The following ABLIM1 variants were observed in gnomAD, a reference collection of about 807,000 sequenced individuals.
ABLIM1 encodes the protein actin-binding LIM protein 1.
A neutral mutation model predicts 107.0 loss-of-function variants in ABLIM1; 40 were observed. The ratio of observed to expected loss-of-function variants is 0.37; its 90% CI spans 0.29 to 0.49. The LOEUF is 0.49. Ranked by LOEUF, ABLIM1 falls within the 20% of genes least tolerant of loss-of-function variation. ABLIM1 has a pLI of 0.97. For synonymous variants in ABLIM1, 357 were observed against 357.3 expected, an observed-to-expected ratio of 1.00 and a Z score of 0.01; for missense variants, 857 against 1,008.5, an observed-to-expected ratio of 0.85 and a Z score of 2.04.
At chr10:114,740,659 A>G (rs1421883485) in intron 1 of ABLIM1, among the ~76,000 whole-genome samples, 1 of 152,192 alleles carries the variant, frequency 6.6e-6, no homozygotes, top group African/African-American at 2.4e-5. Flanking sequence ...TATTAGATAC[A>G]GTAATTTCAA....
chr10:114,732,353 T>C (rs1309274148), intron 1 of ABLIM1, among the ~76,000 whole-genome samples: 2 of 152,096 alleles, frequency 1.3e-5, no homozygotes, highest in African/African-American at 4.8e-5. Context: ...TGCTAGTTGG[T>C]CATTTCTATG....
chr10:114,672,157 T>A (rs1363178349), intron 1 of ABLIM1, among the ~76,000 whole-genome samples: 1 of 152,132 alleles, frequency 6.6e-6, no homozygotes, highest in Non-Finnish European at 1.5e-5. Context: ...ATTACAAGTA[T>A]GAGCCACAAC....
intron 1 of ABLIM1, among the ~76,000 whole-genome samples, chr10:114,603,283 T>C (rs914521722): frequency 6.6e-6 from 1 of 152,226 alleles, no homozygotes; most frequent in Non-Finnish European, 1.5e-5. Flanking sequence ...AGTGTTCTCA[T>C]TTTGCCTGGC....
intron 12 of ABLIM1, among the ~76,000 whole-genome samples, chr10:114,461,717 G>A (rs1023448680): frequency 3.3e-5 from 5 of 152,080 alleles, no homozygotes; most frequent in Admixed American, 6.5e-5. Flanking sequence ...TACTCAGGAG[G>A]CTGAGGCATA....
chr10:114,539,848 A>C (rs942482399), intron 6 of ABLIM1, among the ~76,000 whole-genome samples: 6 of 148,090 alleles, frequency 4.1e-5, no homozygotes, highest in African/African-American at 1.2e-4. Context: ...TCCTGTTACC[A>C]TTAGGCTGTT....
intron 2 of ABLIM1, among the ~76,000 whole-genome samples, chr10:114,589,727 A>T (rs1287861463): frequency 6.6e-6 from 1 of 151,992 alleles, no homozygotes; most frequent in Non-Finnish European, 1.5e-5. Flanking sequence ...TTCTTTTTTT[A>T]GAGTTTGTTT....
At chr10:114,694,852 T>C (rs1405065425) in intron 1 of ABLIM1, among the ~76,000 whole-genome samples, 2 of 152,210 alleles carry the variant, frequency 1.3e-5, no homozygotes, top group African/African-American at 4.8e-5. Flanking sequence ...ATTGGGATCA[T>C]AGCTAGCTCT....
intron 10 of ABLIM1, among the ~76,000 whole-genome samples, chr10:114,472,507 C>T (rs1050247959): frequency 6.6e-6 from 1 of 152,304 alleles, no homozygotes; most frequent in South Asian, 2.1e-4. Flanking sequence ...CACTCCTGTG[C>T]TAGACTGTTG....
At chr10:114,697,224 C>T (rs893705107) in intron 1 of ABLIM1, among the ~76,000 whole-genome samples, 2 of 152,300 alleles carry the variant, frequency 1.3e-5, no homozygotes, top group African/African-American at 2.4e-5. Context: ...TCCCACACTC[C>T]GCTCATCACA....
Position 114,634,129 on chromosome 10 carries a change from CTTTTTTT to C in ABLIM1, c.244+23821_244+23827del, listed in dbSNP as rs745875295. 3.8e-4 allele frequency among the ~76,000 whole-genome samples: 26 copies of C among 68,288 alleles called. No individual in the cohort carries two copies. In the South Asian group the frequency reaches 0.018, roughly 47 times the overall value. The allele number at this position is 68,288 out of a possible 152,430, so 44.8% of individuals were successfully genotyped here. Reference sequence around the variant, plus strand: ...CGTAAATGCCATTAGCTCAATTTTTCTTTTTTTTTTTTTTTTTTTTTGAGACGGAGTC... The same window carrying C: ...CGTAAATGCCATTAGCTCAATTTTTCTTTTTTTTTTTTTTGAGACGGAGTC... On this transcript the variant is annotated intron_variant, in intron 1 of 22. Coordinates refer to ENST00000533213, the MANE Select transcript of ABLIM1 (RefSeq NM_002313.7).
chr10:114,433,687 T>G lies in ABLIM1; in HGVS notation c.*2573A>C, dbSNP rs909151859. The G allele has an allele frequency of 6.6e-6, 1 of 152,210 alleles. No homozygotes were observed. The highest frequency in any genetic ancestry group is 2.1e-4 in the South Asian group (1 of 4,830). The allele number at this position is 152,210 out of a possible 1,614,324, so 9.4% of individuals were successfully genotyped here. On this transcript the variant is annotated 3_prime_UTR_variant, in exon 23 of 23. Transcript: ENST00000533213. The stretch of plus-strand genomic sequence containing the variant: ...GTTCAGTTCTTTATCACTGCAATCT[T>G]AGGCAGGCCCCTTAACTCCTAGTCT...
At chr10:114,461,878 G>C (rs1474228221) in intron 12 of ABLIM1, among the ~76,000 whole-genome samples, 4 of 152,110 alleles carry the variant, frequency 2.6e-5, no homozygotes, top group African/African-American at 9.7e-5. Flanking sequence ...GAGTTTTAGA[G>C]AGTGTTGCAC....
chr10:114,773,326 G>A, the ABLIM1 span, among the ~76,000 whole-genome samples: 1 of 152,162 alleles, frequency 6.6e-6, no homozygotes, highest in Non-Finnish European at 1.5e-5. Flanking sequence ...CAAAGAGAAA[G>A]GACATAGCCT....
chr10:114,777,799 T>C, the ABLIM1 span, among the ~76,000 whole-genome samples: 1 of 152,188 alleles, frequency 6.6e-6, no homozygotes, highest in Non-Finnish European at 1.5e-5. Context: ...GGGAGGAAAA[T>C]GGCCAGAGAT....
intron 1 of ABLIM1, among the ~76,000 whole-genome samples, chr10:114,717,345 A>G (rs1035202926): frequency 1.3e-5 from 2 of 152,202 alleles, no homozygotes; most frequent in Non-Finnish European, 2.9e-5. Flanking sequence ...TACAAAAACA[A>G]TAAGACTGAA....
chr10:114,604,675 G>A (rs773313060), intron 1 of ABLIM1, among the ~76,000 whole-genome samples: 2 of 152,180 alleles, frequency 1.3e-5, no homozygotes, highest in Non-Finnish European at 2.9e-5. Flanking sequence ...GCCAGCTATG[G>A]AGAAGAGCTA....
the ABLIM1 span, among the ~76,000 whole-genome samples, chr10:114,793,430 G>C: frequency 6.6e-6 from 1 of 152,098 alleles, no homozygotes; most frequent in African/African-American, 2.4e-5. Context: ...CAACCAAGCA[G>C]ATGCCAGCAC....
chr10:114,776,520 G>A, the ABLIM1 span, among the ~76,000 whole-genome samples: 1 of 152,162 alleles, frequency 6.6e-6, no homozygotes, highest in Non-Finnish European at 1.5e-5. Context: ...GGCTGAGGCA[G>A]GAGAATCGCC....
chr10:114,702,070 T>C (rs570778703), intron 1 of ABLIM1, among the ~76,000 whole-genome samples: 4 of 152,364 alleles, frequency 2.6e-5, no homozygotes, highest in South Asian at 4.1e-4. Flanking sequence ...ATTTTAACTA[T>C]GCATTACAGC....
Sources: gnomAD v4.1 joint callset for allele counts (sites outside exome capture counted in the v4.1 genomes callset) on GRCh38, gnomAD v4.1.1 for gene constraint, MANE v1.5 for transcripts, NCBI Gene and HGNC (gene_info 2026-07-23, HGNC 2026-07-21) for gene names.